Variants in BABAM2 observed in about 807,000 individuals in gnomAD.
The protein encoded by BABAM2 is BRISC and BRCA1 A complex member 2, also known as BRISC and BRCA1-A complex member 2.
BABAM2 carries 31 observed loss-of-function variants against 54.7 expected under a neutral mutation model. That is an observed-to-expected ratio of 0.57 (90% CI 0.43 to 0.77). The LOEUF is 0.77. BABAM2 is among the 30% of genes least tolerant of loss of function. BABAM2 has a pLI of 0.00. For missense variants in BABAM2, 364 were observed against 455.8 expected (o/e 0.80, Z 1.83); for synonymous variants, 167 against 162.9 (o/e 1.03, Z -0.19).
intron 5 of BABAM2, among the ~76,000 whole-genome samples, chr2:28,044,430 C>T (rs1428975154): frequency 6.6e-6 from 1 of 151,992 alleles, no homozygotes; most frequent in Non-Finnish European, 1.5e-5. Context: ...GGGGTTTTAC[C>T]ATGTTGGCCA....
intron 5 of BABAM2, among the ~76,000 whole-genome samples, chr2:28,029,257 A>G (rs1378439166): frequency 3.9e-5 from 6 of 152,178 alleles, no homozygotes; most frequent in Non-Finnish European, 7.4e-5. Context: ...CGTCTTTACT[A>G]TTTTTAAGTG....
chr2:28,236,585 CA>C, intron 7 of BABAM2, among the ~76,000 whole-genome samples: 1 of 152,082 alleles, frequency 6.6e-6, no homozygotes. Flanking sequence ...AGGCTGGTCT[CA>C]AACTCCTGAC....
At chr2:28,299,050 T>C (rs984494989) in intron 11 of BABAM2, among the ~76,000 whole-genome samples, 1 of 152,236 alleles carries the variant, frequency 6.6e-6, no homozygotes, top group African/African-American at 2.4e-5. Flanking sequence ...AGCCGGTAGC[T>C]ACTCTTTCAT....
At chr2:28,207,341 T>A (rs565816508) in intron 7 of BABAM2, among the ~76,000 whole-genome samples, 16 of 13,386 alleles carry the variant, frequency 1.2e-3, no homozygotes, top group African/African-American at 1.8e-3. Flanking sequence ...TCGTCTCTAG[T>A]TTAAAAAAAA....
At chr2:28,022,180 T>G (rs1675320636) in intron 4 of BABAM2, among the ~76,000 whole-genome samples, 1 of 152,188 alleles carries the variant, frequency 6.6e-6, no homozygotes, top group Admixed American at 6.5e-5. Flanking sequence ...TCACATGAAC[T>G]TGGAGCACTG....
At position 27,890,774 on chromosome 2, in the gene BABAM2, T is replaced by A. The variant is rs1469271178; in HGVS notation, c.-93T>A. ...CGCGGCGCGCGCGCAGGTCGGTGCG[T>A]CTGTCGGGGGCGCGCTCGGGTACCT... On this transcript the variant is annotated 5_prime_UTR_variant, in exon 1 of 12. Transcript: ENST00000379624. This position sits in a 1 kb window ranked among gnomAD's most constrained non-coding sequence, Gnocchi z 4.8. 1 of 152,492 alleles carries A rather than the reference T, an allele frequency of 6.6e-6. No homozygotes were observed. Among genetic ancestry groups the A allele is most frequent in the Admixed American group, 6.6e-5 (1 of 15,246 alleles). 9.4% of individuals were successfully genotyped at this position (152,492 alleles called of 1,614,324 possible). A position where few individuals can be genotyped will look rare whatever the true frequency, so the allele number is the denominator to read the frequency against.
At chr2:28,276,203 G>C (rs1214591159) in intron 10 of BABAM2, among the ~76,000 whole-genome samples, 1 of 152,002 alleles carries the variant, frequency 6.6e-6, no homozygotes, top group Non-Finnish European at 1.5e-5. Context: ...ATGGTAAAAG[G>C]CTAGATCGCT....
intron 10 of BABAM2, among the ~76,000 whole-genome samples, chr2:28,277,861 C>T (rs1686005590): frequency 1.3e-5 from 2 of 152,166 alleles, no homozygotes; most frequent in African/African-American, 4.8e-5. Flanking sequence ...AGTTTGTACT[C>T]GGGTAAGGGA....
chr2:27,969,963 G>T (rs1322492291), intron 3 of BABAM2, among the ~76,000 whole-genome samples: 1 of 152,160 alleles, frequency 6.6e-6, no homozygotes, highest in African/African-American at 2.4e-5. Flanking sequence ...AGGGAGTATG[G>T]TGGGTCACCA....
At chr2:27,918,436 A>G (rs552231674) in intron 2 of BABAM2, among the ~76,000 whole-genome samples, 2 of 152,078 alleles carry the variant, frequency 1.3e-5, no homozygotes, top group Non-Finnish European at 2.9e-5. Context: ...AAGGCTGGAT[A>G]ATATGCCATT....
chr2:28,089,693 G>T (rs1665996081), intron 6 of BABAM2, among the ~76,000 whole-genome samples: 1 of 152,282 alleles, frequency 6.6e-6, no homozygotes, highest in African/African-American at 2.4e-5. Flanking sequence ...TTCAATAAAG[G>T]TCCTCTGATT....
rs76204186 is a variant in BABAM2 at position 28,021,908 on chromosome 2, G to A, written c.301-3318G>A. On this transcript the variant is annotated intron_variant, in intron 4 of 11. Transcript: ENST00000379624. The stretch of plus-strand genomic sequence containing the variant: ...ACTACATTGTTTCTCAGTGTTTTCC[G>A]TTTATAGGTATCCTCGCGCATGTCT... Among the ~76,000 whole-genome samples the A allele has an allele frequency of 6.6e-4, 100 of 152,010 alleles. 2 individuals are homozygous for A. In the East Asian group the frequency reaches 0.018, roughly 27 times the overall value.
intron 7 of BABAM2, among the ~76,000 whole-genome samples, chr2:28,227,388 C>T (rs539594591): frequency 1.3e-5 from 2 of 152,232 alleles, no homozygotes; most frequent in South Asian, 2.1e-4. Context: ...GGTCTGCTGT[C>T]CACATTGAGA....
At chr2:28,100,274 C>T (rs1390580064) in intron 6 of BABAM2, among the ~76,000 whole-genome samples, 1 of 151,874 alleles carries the variant, frequency 6.6e-6, no homozygotes, top group Non-Finnish European at 1.5e-5. Flanking sequence ...GCCTGGCCAA[C>T]ATGGTAAAAC....
intron 10 of BABAM2, among the ~76,000 whole-genome samples, chr2:28,285,109 C>T (rs996022113): frequency 2.0e-5 from 3 of 152,180 alleles, no homozygotes; most frequent in Admixed American, 6.5e-5. Flanking sequence ...TCCCTCCCAT[C>T]CTTAGTTCTT....
At chr2:27,938,254 C>A (rs1247866255) in intron 3 of BABAM2, among the ~76,000 whole-genome samples, 1 of 152,170 alleles carries the variant, frequency 6.6e-6, no homozygotes, top group African/African-American at 2.4e-5. Flanking sequence ...ACATAATATT[C>A]GTCTTTAGAT....
chr2:27,927,879 T>C (rs956487925), intron 2 of BABAM2, among the ~76,000 whole-genome samples: 6 of 150,304 alleles, frequency 4.0e-5, no homozygotes, highest in Admixed American at 4.0e-4. Flanking sequence ...AGTCTCACTC[T>C]GTCACCCAGG....
At chr2:28,027,952 A>G (rs1221523987) in intron 5 of BABAM2, among the ~76,000 whole-genome samples, 1 of 152,186 alleles carries the variant, frequency 6.6e-6, no homozygotes, top group East Asian at 1.9e-4. Context: ...TAAAATAATC[A>G]TTCCAAAACT....
intron 3 of BABAM2, among the ~76,000 whole-genome samples, chr2:27,980,416 G>GTA (rs531754650): frequency 2.6e-4 from 40 of 152,288 alleles, no homozygotes; most frequent in African/African-American, 8.9e-4. Context: ...TCTACTTCCT[G>GTA]TATAACTCCC....
Sources: allele counts gnomAD v4.1 joint callset (sites outside exome capture counted in the v4.1 genomes callset), GRCh38; gene constraint gnomAD v4.1.1; non-coding constraint Gnocchi (gnomAD v3.1); transcripts MANE v1.5; gene names NCBI Gene and HGNC (gene_info 2026-07-23, HGNC 2026-07-21).